CDC42BPA: variants seen among roughly 807,000 people sequenced by gnomAD.
CDC42BPA encodes the protein serine/threonine-protein kinase MRCK alpha.
In CDC42BPA, 80 loss-of-function variants were observed where a neutral mutation model predicts 223.5. The observed-to-expected ratio is 0.36, with a 90% CI of 0.30 to 0.43. The LOEUF (loss-of-function observed/expected upper bound fraction) is 0.43, where lower values mean the gene tolerates loss of function less well. Ranked by LOEUF, CDC42BPA falls within the 20% of genes least tolerant of loss-of-function variation. The pLI, the probability that CDC42BPA is intolerant of heterozygous loss-of-function variation, is 1.00. For missense variants in CDC42BPA, 1,743 were observed against 2,099.9 expected, an observed-to-expected ratio of 0.83 and a Z score of 3.32; for synonymous variants, 694 against 718.6, an observed-to-expected ratio of 0.97 and a Z score of 0.55.
chr1:227,215,644 T>C (rs535535798), intron 2 of CDC42BPA, among the ~76,000 whole-genome samples: 1 of 152,258 alleles, frequency 6.6e-6, no homozygotes, highest in African/African-American at 2.4e-5. Context: ...ATTCAATAAG[T>C]GTTAGCTATG....
At chr1:227,204,281 A>AT (rs954613612) in intron 3 of CDC42BPA, among the ~76,000 whole-genome samples, 1 of 152,172 alleles carries the variant, frequency 6.6e-6, no homozygotes, top group African/African-American at 2.4e-5. Context: ...GAGATGTATC[A>AT]TTTTTAACTT....
At chr1:227,091,373 T>A (rs1274291672) in intron 16 of CDC42BPA, among the ~76,000 whole-genome samples, 1 of 151,594 alleles carries the variant, frequency 6.6e-6, no homozygotes, top group Non-Finnish European at 1.5e-5. Flanking sequence ...ATCATCCCCT[T>A]GGTGATAAGT....
At chr1:227,305,176 TGG>T (rs1692326531) in intron 1 of CDC42BPA, among the ~76,000 whole-genome samples, 1 of 152,156 alleles carries the variant, frequency 6.6e-6, no homozygotes, top group African/African-American at 2.4e-5. Context: ...TACTCTCAAA[TGG>T]TTCCAGAGGA....
chr1:227,150,211 T>A, intron 6 of CDC42BPA, among the ~76,000 whole-genome samples: 1 of 124,748 alleles, frequency 8.0e-6, no homozygotes. Flanking sequence ...GCGACAAGAG[T>A]GAAACCCTGT....
In CDC42BPA at chr1:227,287,674, C is replaced by G. The variant is rs547816901; in HGVS notation, c.178+29331G>C. On this transcript the variant is annotated intron_variant, in intron 1 of 36. Transcript: ENST00000366766. ...AGAGGGTTCCTACGTGACTAGCCAC[C>G]AATAAAAAAATAAACTCAGTGCCCA... 1.9e-3 allele frequency among the ~76,000 whole-genome samples: 292 copies of G among 152,006 alleles called. 3 individuals carry two copies. The highest frequency in any genetic ancestry group is 6.1e-3 in the African/African-American group (255 of 41,476).
At chr1:227,231,788 A>C (rs1165932643) in intron 2 of CDC42BPA, among the ~76,000 whole-genome samples, 5 of 152,152 alleles carry the variant, frequency 3.3e-5, no homozygotes, top group Non-Finnish European at 7.3e-5. Context: ...TCTTCTTTTG[A>C]GAAGTGTCTG....
At chr1:227,163,110 ATG>A (rs66950416) in intron 5 of CDC42BPA, among the ~76,000 whole-genome samples, 1 of 143,304 alleles carries the variant, frequency 7.0e-6, no homozygotes, top group South Asian at 2.1e-4. Context: ...CCAAACATAT[ATG>A]TGTGTATGTT....
chr1:227,048,926 A>G (rs1226433203), intron 22 of CDC42BPA, among the ~76,000 whole-genome samples: 4 of 151,958 alleles, frequency 2.6e-5, no homozygotes, highest in Non-Finnish European at 5.9e-5. Context: ...TGTTGTTACT[A>G]TACAACAATC....
intron 5 of CDC42BPA, among the ~76,000 whole-genome samples, chr1:227,191,639 C>G (rs1669720820): frequency 6.6e-6 from 1 of 152,128 alleles, no homozygotes; most frequent in South Asian, 2.1e-4. Flanking sequence ...GGTGAAATCT[C>G]TCAATTCCAC....
intron 6 of CDC42BPA, among the ~76,000 whole-genome samples, chr1:227,148,525 C>T (rs1443665666): frequency 6.6e-6 from 1 of 151,882 alleles, no homozygotes; most frequent in Non-Finnish European, 1.5e-5. Flanking sequence ...GATTAAATGA[C>T]TTGAAAACCC....
intron 1 of CDC42BPA, among the ~76,000 whole-genome samples, chr1:227,310,679 T>G (rs575656192): frequency 7.7e-5 from 11 of 143,470 alleles, no homozygotes; most frequent in South Asian, 2.2e-4. Context: ...AAGGAGTTTT[T>G]TTTTTTGTTT....
chr1:227,081,385 C>T (rs1409740357), intron 16 of CDC42BPA, among the ~76,000 whole-genome samples: 1 of 151,856 alleles, frequency 6.6e-6, no homozygotes, highest in Non-Finnish European at 1.5e-5. Context: ...TCCCATGAGC[C>T]CCACTACCTA....
At chr1:227,312,844 T>G (rs1371233932) in intron 1 of CDC42BPA, among the ~76,000 whole-genome samples, 5 of 152,116 alleles carry the variant, frequency 3.3e-5, no homozygotes, top group Admixed American at 6.5e-5. Context: ...TTTAAAAGCG[T>G]GTAGCATCTC....
chr1:227,177,087 AAC>A (rs921859869), intron 5 of CDC42BPA, among the ~76,000 whole-genome samples: 3 of 149,418 alleles, frequency 2.0e-5, no homozygotes, highest in African/African-American at 4.9e-5. Context: ...TATCCCAAAA[AAC>A]AACTTTTACT....
chr1:227,193,726 C>A, intron 5 of CDC42BPA, 60 bp downstream of exon 5: 2 of 1,252,922 alleles, frequency 1.6e-6, no homozygotes, highest in Non-Finnish European at 1.1e-6. Context: ...AAGAAATAGG[C>A]CTCTGTTGCT....
intron 6 of CDC42BPA, among the ~76,000 whole-genome samples, chr1:227,149,048 G>A (rs1391144735): frequency 1.3e-5 from 2 of 152,040 alleles, no homozygotes; most frequent in African/African-American, 4.8e-5. Flanking sequence ...CTTACATGAG[G>A]GGGCGAGTTT....
chr1:227,176,924 T>TA (rs1198061272), intron 5 of CDC42BPA, among the ~76,000 whole-genome samples: 2 of 152,004 alleles, frequency 1.3e-5, no homozygotes, highest in Admixed American at 6.6e-5. Flanking sequence ...AGTCTAATGA[T>TA]AAAGTAGTTT....
intron 24 of CDC42BPA, among the ~76,000 whole-genome samples, chr1:227,035,960 G>T (rs1000126594): frequency 2.6e-5 from 4 of 152,220 alleles, no homozygotes; most frequent in Admixed American, 1.3e-4. Flanking sequence ...CTGCAACTTG[G>T]TATCTGCCTT....
At chr1:227,247,487 T>C (rs2148192925) in intron 2 of CDC42BPA, among the ~76,000 whole-genome samples, 2 of 152,196 alleles carry the variant, frequency 1.3e-5, no homozygotes, top group Middle Eastern at 6.8e-3. Context: ...AGAGTGACAG[T>C]CCATCTTAAA....
Sources: allele counts gnomAD v4.1 joint callset (sites outside exome capture counted in the v4.1 genomes callset), GRCh38; gene constraint gnomAD v4.1.1; transcripts MANE v1.5; gene names NCBI Gene and HGNC (gene_info 2026-07-23, HGNC 2026-07-21).